Variants in RABGAP1 observed in about 807,000 individuals in gnomAD.
RABGAP1 encodes the protein rab GTPase-activating protein 1.
Under a neutral mutation model 137.6 loss-of-function variants are expected in RABGAP1, and 23 were observed. That is an observed-to-expected ratio of 0.17 (90% CI 0.12 to 0.24). RABGAP1 has a LOEUF of 0.24. Ranked by LOEUF, RABGAP1 falls within the 10% of genes least tolerant of loss-of-function variation. RABGAP1 has a pLI of 1.00. For missense variants in RABGAP1, 906 were observed against 1,275.8 expected (o/e 0.71, Z 4.42); for synonymous variants, 451 against 450.7 (o/e 1.00, Z -0.01).
chr9:122,974,342 G>A (rs182389160), intron 2 of RABGAP1, among the ~76,000 whole-genome samples: 1 of 151,014 alleles, frequency 6.6e-6, no homozygotes, highest in African/African-American at 2.4e-5. Context: ...AGAACATGGA[G>A]TCAGGACTAC....
At chr9:123,022,312 T>C (rs1588285287) in intron 13 of RABGAP1, among the ~76,000 whole-genome samples, 1 of 152,226 alleles carries the variant, frequency 6.6e-6, no homozygotes, top group Non-Finnish European at 1.5e-5. Context: ...TTATATGATA[T>C]GTAAAAGAAA....
chr9:122,992,457 C>T (rs1257157575), intron 6 of RABGAP1, among the ~76,000 whole-genome samples: 1 of 152,032 alleles, frequency 6.6e-6, no homozygotes, highest in Non-Finnish European at 1.5e-5. Flanking sequence ...TGAAATCAGG[C>T]ATATTCAAGG....
intron 21 of RABGAP1, among the ~76,000 whole-genome samples, chr9:123,096,179 T>C (rs1199175254): frequency 1.3e-5 from 2 of 152,250 alleles, no homozygotes; most frequent in Non-Finnish European, 2.9e-5. Flanking sequence ...ACTGTGCATT[T>C]TTCTTTTTCT....
At chr9:122,997,596 A>G (rs1408422268) in intron 9 of RABGAP1, among the ~76,000 whole-genome samples, 3 of 145,894 alleles carry the variant, frequency 2.1e-5, no homozygotes, top group Non-Finnish European at 3.0e-5. Flanking sequence ...CTTTCTTTCT[A>G]TTTATATGCT....
At chr9:123,101,300 A>G (rs573531957) in intron 24 of RABGAP1, among the ~76,000 whole-genome samples, 1 of 152,310 alleles carries the variant, frequency 6.6e-6, no homozygotes, top group Non-Finnish European at 1.5e-5. Flanking sequence ...ATAAATTTTT[A>G]TCTAGTTACA....
intron 2 of RABGAP1, among the ~76,000 whole-genome samples, chr9:122,963,309 A>G (rs975210021): frequency 3.9e-5 from 6 of 152,248 alleles, no homozygotes; most frequent in Non-Finnish European, 8.8e-5. Flanking sequence ...AACTAGGCCA[A>G]TCAATAAGGA....
At chr9:123,035,756 C>T (rs2032620402) in intron 13 of RABGAP1, 1 of 582,122 alleles carries the variant, frequency 1.7e-6, no homozygotes, top group African/African-American at 1.9e-5. Context: ...CAATAGCATA[C>T]AAATTATTCG....
intron 1 of RABGAP1, among the ~76,000 whole-genome samples, chr9:122,954,029 G>T (rs1197719159): frequency 6.6e-6 from 1 of 152,164 alleles, no homozygotes; most frequent in Non-Finnish European, 1.5e-5. Flanking sequence ...TCTATGGAGT[G>T]CAGGGCGTTG....
At chr9:123,020,602 G>GT (rs2031564634) in intron 13 of RABGAP1, 143 bp downstream of exon 13, 2 of 930,322 alleles carry the variant, frequency 2.1e-6, no homozygotes, top group Non-Finnish European at 2.8e-6. Flanking sequence ...GCTCTAACAT[G>GT]TTTTTTCTGT....
intron 3 of RABGAP1, among the ~76,000 whole-genome samples, chr9:122,985,160 A>G (rs1339733971): frequency 6.6e-6 from 1 of 152,246 alleles, no homozygotes; most frequent in Non-Finnish European, 1.5e-5. Flanking sequence ...ACAGAAAGAC[A>G]TAGCATGGGA....
At chr9:123,021,889 T>TG (rs1469384676) in intron 13 of RABGAP1, among the ~76,000 whole-genome samples, 1 of 152,176 alleles carries the variant, frequency 6.6e-6, no homozygotes, top group Non-Finnish European at 1.5e-5. Flanking sequence ...AAAAGCACAG[T>TG]GGGAGCCATC....
intron 12 of RABGAP1, among the ~76,000 whole-genome samples, chr9:123,017,753 T>C (rs1037678879): frequency 2.0e-5 from 3 of 152,240 alleles, no homozygotes; most frequent in Non-Finnish European, 4.4e-5. Context: ...ATAGAACTAA[T>C]GAATTTACCA....
intron 2 of RABGAP1, among the ~76,000 whole-genome samples, chr9:122,973,942 G>A (rs1004778420): frequency 2.0e-5 from 3 of 151,964 alleles, no homozygotes; most frequent in Non-Finnish European, 1.5e-5. Flanking sequence ...CCCGGGAGGC[G>A]GAGGTTGCAG....
chr9:123,015,984 T>C (rs2031196890), intron 12 of RABGAP1, among the ~76,000 whole-genome samples: 1 of 152,142 alleles, frequency 6.6e-6, no homozygotes, highest in Non-Finnish European at 1.5e-5. Flanking sequence ...ACACAATGCA[T>C]AGAGCCATGG....
intron 13 of RABGAP1, among the ~76,000 whole-genome samples, chr9:123,055,034 C>A (rs2033634380): frequency 6.6e-6 from 1 of 152,172 alleles, no homozygotes. Flanking sequence ...CTGTGCACAG[C>A]CCACACTTAA....
At chr9:123,019,898 G>C (rs1324416553) in intron 12 of RABGAP1, among the ~76,000 whole-genome samples, 4 of 152,102 alleles carry the variant, frequency 2.6e-5, no homozygotes, top group African/African-American at 4.8e-5. Flanking sequence ...CGCCCAGGCT[G>C]CTCTTGAACT....
At chr9:123,039,251 A>G (rs2032828823) in intron 13 of RABGAP1, among the ~76,000 whole-genome samples, 1 of 152,134 alleles carries the variant, frequency 6.6e-6, no homozygotes, top group African/African-American at 2.4e-5. Context: ...CATCCTCCTA[A>G]AATGACAGTA....
intron 13 of RABGAP1, chr9:123,035,659 TG>T (rs2032609648): frequency 1.2e-6 from 1 of 855,372 alleles, no homozygotes; most frequent in Non-Finnish European, 1.8e-6. Flanking sequence ...TGTGTGTGTG[TG>T]TGTGTGTGTG....
At chr9:123,097,660 A>T in intron 21 of RABGAP1, 81 bp from the exon 22 acceptor site, 1 of 1,207,354 alleles carries the variant, frequency 8.3e-7, no homozygotes, top group Non-Finnish European at 1.2e-6. Context: ...CCATCATCTT[A>T]AAATGGGATT....
Sources: gnomAD v4.1 joint callset for allele counts (sites outside exome capture counted in the v4.1 genomes callset) on GRCh38, gnomAD v4.1.1 for gene constraint, MANE v1.5 for transcripts, NCBI Gene and HGNC (gene_info 2026-07-23, HGNC 2026-07-21) for gene names.